The following TFDP2 variants were observed in gnomAD, a reference collection of about 807,000 sequenced individuals.
TFDP2 encodes transcription factor Dp-2.
A neutral mutation model predicts 59.3 loss-of-function variants in TFDP2; 17 were observed. The ratio of observed to expected loss-of-function variants is 0.29; its 90% CI spans 0.20 to 0.43. The LOEUF (loss-of-function observed/expected upper bound fraction) is 0.43, where lower values mean the gene tolerates loss of function less well. Ranked by LOEUF, TFDP2 falls within the 20% of genes least tolerant of loss-of-function variation. The pLI, the probability that TFDP2 is intolerant of heterozygous loss-of-function variation, is 1.00. For missense variants in TFDP2, 391 were observed against 528.8 expected (o/e 0.74, Z 2.56); for synonymous variants, 180 against 194.7 (o/e 0.92, Z 0.63).
chr3:142,054,525 C>A (rs1293744935), intron 3 of TFDP2, among the ~76,000 whole-genome samples: 1 of 152,170 alleles, frequency 6.6e-6, no homozygotes, highest in African/African-American at 2.4e-5. Flanking sequence ...CAACTATAAA[C>A]CCTCTGCTAT....
chr3:142,000,058 A>G (rs1388674571), intron 4 of TFDP2, among the ~76,000 whole-genome samples: 9 of 152,166 alleles, frequency 5.9e-5, no homozygotes, highest in African/African-American at 2.2e-4. Flanking sequence ...CTTTAACTAA[A>G]CAAAAACTTT....
chr3:142,001,011 G>A (rs1943714354), intron 4 of TFDP2, among the ~76,000 whole-genome samples: 1 of 152,166 alleles, frequency 6.6e-6, no homozygotes, highest in Non-Finnish European at 1.5e-5. Context: ...GGCTCTCCCA[G>A]GCTGGAGTTG....
intron 3 of TFDP2, among the ~76,000 whole-genome samples, chr3:142,080,135 T>C (rs1489013075): frequency 6.6e-6 from 1 of 152,124 alleles, no homozygotes; most frequent in Non-Finnish European, 1.5e-5. Flanking sequence ...GGCTAATTCT[T>C]GTATTTTTAG....
At chr3:142,043,423 G>A (rs1947126285) in intron 3 of TFDP2, among the ~76,000 whole-genome samples, 1 of 151,286 alleles carries the variant, frequency 6.6e-6, no homozygotes, top group South Asian at 2.1e-4. Flanking sequence ...GAGTGCAGTG[G>A]TGCGATCTTG....
chr3:142,062,142 C>T (rs1161809904), intron 3 of TFDP2, among the ~76,000 whole-genome samples: 6 of 151,940 alleles, frequency 3.9e-5, no homozygotes, highest in African/African-American at 1.5e-4. Context: ...CATATTTTCT[C>T]TCCCTTAAGA....
Position 141,951,484 on chromosome 3 carries a change from G to A in TFDP2, c.*1029C>T, listed in dbSNP as rs1364378725. 6.6e-6 allele frequency: 1 copy of A among 152,618 alleles called. No individual in the cohort carries two copies. Among genetic ancestry groups the A allele is most frequent in the Non-Finnish European group, 1.5e-5 (1 of 68,040 alleles). The allele number at this position is 152,618 out of a possible 1,614,324, so 9.5% of individuals were successfully genotyped here. A position where few individuals can be genotyped will look rare whatever the true frequency, so the allele number is the denominator to read the frequency against. Reference sequence around the variant, plus strand: ...CTGATTAATGAAAATGTGAAAAAAGGTGACATGTACAAGGAAACACTGCTG... The same window carrying A: ...CTGATTAATGAAAATGTGAAAAAAGATGACATGTACAAGGAAACACTGCTG... On this transcript the variant is annotated 3_prime_UTR_variant, in exon 13 of 13. Transcript: ENST00000489671.
rs1358081642 is a variant in TFDP2, at chr3:141,973,002, A to G, written c.663+1046T>C. Among the ~76,000 whole-genome samples, 4 of 151,284 alleles carry G rather than the reference A, an allele frequency of 2.6e-5. No individual in the cohort carries two copies. The East Asian group carries it at 7.7e-4, about 29-fold the overall frequency. ...GAATATCTGGTTTCTCTCTCCATCC[A>G]TAAGTATAATAATACCAAATAACTG... On this transcript the variant is annotated intron_variant, in intron 8 of 12. Coordinates refer to ENST00000489671, the MANE Select transcript of TFDP2 (RefSeq NM_001178139.2).
Position 141,959,685 on chromosome 3 carries a change from C to A in TFDP2, c.1040G>T (p.Gly347Val), listed in dbSNP as rs775539741. ...AKSLVPKALE[G>V]YITDISTGPS... ...ATCAGTTAACATACCTGTGATATAA[C>A]CTTCTAAAGCCTTTGGCACCAGGGA... is the stretch of plus-strand genomic sequence containing the variant. Residue 347 changes from glycine (G) to valine (V), a missense_variant, in exon 11 of 13, where the codon GGT (glycine) becomes GTT (valine). By Grantham distance (109) the Gly-to-Val change is moderately radical. Transcript: ENST00000489671. 8.7e-6 allele frequency: 14 copies of A among 1,614,116 alleles called. No homozygotes were observed. The highest frequency in any genetic ancestry group is 1.2e-5 in the Non-Finnish European group (14 of 1,179,992).
At chr3:142,138,541 T>C (rs960486747) in intron 1 of TFDP2, among the ~76,000 whole-genome samples, 13 of 152,226 alleles carry the variant, frequency 8.5e-5, no homozygotes, top group Admixed American at 7.9e-4. Flanking sequence ...CTGCTTTAAA[T>C]GTGTCCCAGA....
In TFDP2 at chr3:142,058,154, AT is replaced by A. The variant is rs1305530409; in HGVS notation, c.82+34906del. ...TATTTATAAATTAGTATTTTATTCT[AT>A]TTTTTAAATGTCCAAGTCATTTAAA... On this transcript the variant is annotated intron_variant, in intron 3 of 12. Transcript: ENST00000489671. Among the ~76,000 whole-genome samples the A allele has an allele frequency of 1.3e-4, 20 of 152,188 alleles. No homozygotes were observed. The East Asian group carries it at 3.5e-3, about 26-fold the overall frequency.
intron 6 of TFDP2, 135 bp from the exon 7 acceptor site, chr3:141,978,817 G>A: frequency 1.6e-6 from 1 of 634,038 alleles, no homozygotes; most frequent in Non-Finnish European, 2.4e-6. Context: ...GAATAGAGAT[G>A]AGAAAATGTT....
At chr3:141,999,091 T>C (rs1452876947) in intron 4 of TFDP2, among the ~76,000 whole-genome samples, 3 of 152,184 alleles carry the variant, frequency 2.0e-5, no homozygotes, top group Non-Finnish European at 4.4e-5. Flanking sequence ...GGTCCACTTA[T>C]ACATGGATTT....
chr3:142,058,970 G>A (rs2059830153), intron 3 of TFDP2, among the ~76,000 whole-genome samples: 1 of 151,988 alleles, frequency 6.6e-6, no homozygotes, highest in African/African-American at 2.4e-5. Context: ...AGCTATCTAG[G>A]GGACCCCAGT....
chr3:142,028,349 T>C (rs1174323165), intron 3 of TFDP2, among the ~76,000 whole-genome samples: 1 of 152,152 alleles, frequency 6.6e-6, no homozygotes. Flanking sequence ...TATTTTCACA[T>C]TTTAATTAAT....
Position 141,944,594 on chromosome 3 carries a change from T to G in TFDP2, c.*7919A>C, listed in dbSNP as rs942665130. 4 of 151,926 alleles carry G rather than the reference T, an allele frequency of 2.6e-5. No individual in the cohort carries two copies. The highest frequency in any genetic ancestry group is 9.7e-5 in the African/African-American group (4 of 41,332). 9.4% of individuals were successfully genotyped at this position (151,926 alleles called of 1,614,324 possible). A position where few individuals can be genotyped will look rare whatever the true frequency, so the allele number is the denominator to read the frequency against. On this transcript the variant is annotated 3_prime_UTR_variant, in exon 13 of 13. Transcript: ENST00000489671. ...CTTTAATGGACAAAAAACACCAGAGTTCATTACAAATACAGCTTCCCAGGC... is the reference window on the plus strand; with the variant it reads ...CTTTAATGGACAAAAAACACCAGAGGTCATTACAAATACAGCTTCCCAGGC...
intron 1 of TFDP2, among the ~76,000 whole-genome samples, chr3:142,136,442 T>A (rs1483799486): frequency 1.3e-5 from 2 of 151,570 alleles, no homozygotes; most frequent in Non-Finnish European, 3.0e-5. Flanking sequence ...CCCATTTGTC[T>A]ATTTGGCTTT....
intron 6 of TFDP2, among the ~76,000 whole-genome samples, chr3:141,987,581 C>CGT (rs113061424): frequency 0.1 from 12,092 of 118,304 alleles, 479 homozygotes; most frequent in Middle Eastern, 0.19. Flanking sequence ...CTGCGCCTGG[C>CGT]GTGTGTGTGT....
intron 3 of TFDP2, among the ~76,000 whole-genome samples, chr3:142,073,466 C>CT (rs1439780809): frequency 1.3e-5 from 1 of 74,874 alleles, no homozygotes; most frequent in African/African-American, 4.9e-5. Flanking sequence ...AACCCCCCCC[C>CT]CCCCGCAAAA....
At chr3:141,989,074 T>C (rs1942459730) in intron 6 of TFDP2, 1 of 152,228 alleles carries the variant, frequency 6.6e-6, no homozygotes, top group Admixed American at 6.5e-5. Context: ...GGGTGATAAT[T>C]ACAACTTTAT....
Sources: gnomAD v4.1 joint callset for allele counts (sites outside exome capture counted in the v4.1 genomes callset) on GRCh38, gnomAD v4.1.1 for gene constraint, MANE v1.5 for transcripts, NCBI Gene and HGNC (gene_info 2026-07-23, HGNC 2026-07-21) for gene names.